GRK3: variants seen among roughly 807,000 people sequenced by gnomAD.
The protein encoded by GRK3 is adrenergic, beta, receptor kinase 2.
A neutral mutation model predicts 95.7 loss-of-function variants in GRK3; 54 were observed. The observed-to-expected ratio is 0.56, with a 90% CI of 0.45 to 0.71. The LOEUF is 0.71. Ranked by LOEUF, GRK3 falls within the 30% of genes least tolerant of loss-of-function variation. GRK3 has a pLI of 0.00. For missense variants in GRK3, 649 were observed against 851.2 expected, an observed-to-expected ratio of 0.76 and a Z score of 2.96; for synonymous variants, 281 against 290.8, an observed-to-expected ratio of 0.97 and a Z score of 0.34.
Position 25,725,389 on chromosome 22 carries a change from T to G in GRK3, c.*2939T>G. On this transcript the variant is annotated 3_prime_UTR_variant, in exon 21 of 21. Transcript: ENST00000324198. Reference sequence around the variant, plus strand: ...TAAAGCCTAAAAATAATAGATTACTTTAAGCTGCTATGTAAGATATATATG... The same window carrying G: ...TAAAGCCTAAAAATAATAGATTACTGTAAGCTGCTATGTAAGATATATATG... The G allele has an allele frequency of 2.5e-6, 1 of 395,806 alleles. No homozygotes were observed. The highest frequency in any genetic ancestry group is 3.6e-5 in the East Asian group (1 of 27,888). 24.5% of individuals were successfully genotyped at this position (395,806 alleles called of 1,614,324 possible). A position where few individuals can be genotyped will look rare whatever the true frequency, so the allele number is the denominator to read the frequency against.
At position 25,714,483 on chromosome 22, in the gene GRK3, G is replaced by A. The variant is rs1330344635; in HGVS notation, c.1567G>A (p.Glu523Lys). Residue 523 changes from glutamate to lysine, a missense_variant, in exon 18 of 21, where the codon GAA (glutamate) becomes AAA (lysine). Physicochemically the swap from Glu to Lys is moderately conservative, Grantham distance 56 (BLOSUM62 1). Transcript: ENST00000324198. The stretch of plus-strand genomic sequence containing the variant: ...TGAACGCTGGCAGCAAGAAGTAACG[G>A]AAACAGTTTATGAAGCAGTAAATGC... ...ISERWQQEVT[E>K]TVYEAVNADT... 2 of 1,613,878 alleles carry A rather than the reference G, an allele frequency of 1.2e-6. No individual in the cohort carries two copies. The highest frequency in any genetic ancestry group is 1.7e-6 in the Non-Finnish European group (2 of 1,179,970).
Position 25,699,510 on chromosome 22 carries a change from A to G in GRK3, c.1161-4000A>G, listed in dbSNP as rs903453974. Among the ~76,000 whole-genome samples, 13 of 151,966 alleles carry G rather than the reference A, an allele frequency of 8.6e-5. No individual in the cohort carries two copies. The South Asian group carries it at 1.5e-3, about 17-fold the overall frequency. ...GGCCAAGGATGCTGCTCAACATCCT[A>G]TGAGGCACAGGACAGCTCCCGCAAC... On this transcript the variant is annotated intron_variant, in intron 13 of 20. Coordinates refer to ENST00000324198, the MANE Select transcript of GRK3 (RefSeq NM_005160.4).
At chr22:25,691,492 A>G (rs2085164136) in intron 12 of GRK3, among the ~76,000 whole-genome samples, 1 of 152,252 alleles carries the variant, frequency 6.6e-6, no homozygotes, top group African/African-American at 2.4e-5. Context: ...TTCTGTAAAC[A>G]TATTTCTCTT....
rs371527367 is a variant in GRK3 at position 25,711,124 on chromosome 22, T to C, written c.1452T>C (p.Asp484=). The C allele has an allele frequency of 1.2e-6, 2 of 1,613,836 alleles. No individual in the cohort carries two copies. Among genetic ancestry groups the C allele is most frequent in the Non-Finnish European group, 1.7e-6 (2 of 1,179,836 alleles). Residue 484 remains aspartate (D), a synonymous_variant, in exon 17 of 21, where the codon GAT becomes GAC. Coordinates refer to ENST00000324198, the MANE Select transcript of GRK3 (RefSeq NM_005160.4). ...AAGTCAATGCTGCTGATGCCTTTGA[T>C]ATTGGCTCATTTGATGAAGAGGATA... is the stretch of plus-strand genomic sequence containing the variant. ...RGEVNAADAF[D]IGSFDEEDTK...
intron 19 of GRK3, among the ~76,000 whole-genome samples, chr22:25,720,120 G>A (rs547078936): frequency 1.3e-5 from 2 of 152,146 alleles, no homozygotes; most frequent in Non-Finnish European, 2.9e-5. Flanking sequence ...GCGGACCTGG[G>A]CAGATTATAC....
chr22:25,638,068 T>G (rs1265574878), intron 2 of GRK3, among the ~76,000 whole-genome samples: 1 of 152,186 alleles, frequency 6.6e-6, no homozygotes. Flanking sequence ...CATCCACCCC[T>G]TGTCATCCTG....
intron 12 of GRK3, among the ~76,000 whole-genome samples, chr22:25,692,842 A>C (rs1284397727): frequency 6.6e-6 from 1 of 152,178 alleles, no homozygotes; most frequent in Non-Finnish European, 1.5e-5. Flanking sequence ...GAACTCCCTG[A>C]GGCTTTGGCA....
chr22:25,621,575 C>T (rs1008520538), intron 2 of GRK3, among the ~76,000 whole-genome samples: 2 of 152,072 alleles, frequency 1.3e-5, no homozygotes, highest in African/African-American at 4.8e-5. Flanking sequence ...TCTCTCCAGT[C>T]CTCATTTTTG....
chr22:25,681,503 G>A (rs1704656007), intron 9 of GRK3, among the ~76,000 whole-genome samples: 1 of 152,092 alleles, frequency 6.6e-6, no homozygotes, highest in South Asian at 2.1e-4. Flanking sequence ...TGCGGTGGTG[G>A]GGGGAGTCGT....
In GRK3 at chr22:25,729,187, A is replaced by T. The variant is rs2085497273; in HGVS notation, c.*6737A>T. 1 of 152,244 alleles carries T rather than the reference A, an allele frequency of 6.6e-6. No individual in the cohort carries two copies. The highest frequency in any genetic ancestry group is 1.5e-5 in the Non-Finnish European group (1 of 68,060). The allele number at this position is 152,244 out of a possible 1,614,324, so 9.4% of individuals were successfully genotyped here. The stretch of plus-strand genomic sequence containing the variant: ...AGGTCACCTGCCCTGTGTGGGGCAC[A>T]CCACCGTCAGCACCACCGTTTTTAC... On this transcript the variant is annotated 3_prime_UTR_variant, in exon 21 of 21. Coordinates refer to ENST00000324198, the MANE Select transcript of GRK3 (RefSeq NM_005160.4).
At position 25,644,677 on chromosome 22, in the gene GRK3, CTG is replaced by C. The variant is rs766848146; in HGVS notation, c.264+14_264+15del. 4.3e-6 allele frequency: 6 copies of C among 1,379,992 alleles called. No individual in the cohort carries two copies. The Admixed American group carries it at 7.8e-5, about 18-fold the overall frequency. The allele number at this position is 1,379,992 out of a possible 1,614,324, so 85.5% of individuals were successfully genotyped here. A position where few individuals can be genotyped will look rare whatever the true frequency, so the allele number is the denominator to read the frequency against. On this transcript the variant is annotated intron_variant, in intron 3 of 20. Transcript: ENST00000324198. Reference sequence around the variant, plus strand: ...AGTTTTATGAAGAGGTAAGAAGTAACTGTTTTACTGATGCTTTTCTTTCAAAA... The same window carrying C: ...AGTTTTATGAAGAGGTAAGAAGTAACTTTTACTGATGCTTTTCTTTCAAAA...
intron 18 of GRK3, among the ~76,000 whole-genome samples, chr22:25,717,380 C>T (rs945801706): frequency 1.3e-5 from 2 of 152,122 alleles, no homozygotes; most frequent in African/African-American, 4.8e-5. Context: ...CCTCCCTGGC[C>T]CTCCCTCTCC....
chr22:25,693,328 T>C (rs975868253), intron 12 of GRK3, among the ~76,000 whole-genome samples: 4 of 152,154 alleles, frequency 2.6e-5, no homozygotes, highest in Non-Finnish European at 5.9e-5. Flanking sequence ...TCCTTGTATG[T>C]GGTAAAAGCA....
intron 2 of GRK3, among the ~76,000 whole-genome samples, chr22:25,606,502 A>G (rs915584080): frequency 2.0e-5 from 3 of 152,178 alleles, no homozygotes; most frequent in Non-Finnish European, 4.4e-5. Context: ...AATGTGTCTG[A>G]CACTCCAGGT....
In GRK3 at chr22:25,722,161, T is replaced by TG. The variant is rs1173246961; in HGVS notation, c.1906-123dup. ...GTGACCCATCAGCTAGTAATGCCAC[T>TG]GGGGGTGGACACGTAGGGTGTGCTT... On this transcript the variant is annotated intron_variant, in intron 20 of 20. Coordinates refer to ENST00000324198, the MANE Select transcript of GRK3 (RefSeq NM_005160.4). 9 of 998,408 alleles carry TG rather than the reference T, an allele frequency of 9.0e-6. 1 individual carries two copies. In the East Asian group the frequency reaches 9.7e-5, roughly 11 times the overall value. 61.8% of individuals were successfully genotyped at this position (998,408 alleles called of 1,614,324 possible).
intron 1 of GRK3, among the ~76,000 whole-genome samples, chr22:25,594,006 C>G (rs1331924336): frequency 2.0e-5 from 3 of 152,080 alleles, no homozygotes; most frequent in Non-Finnish European, 4.4e-5. Flanking sequence ...GTTACTGTAG[C>G]CTTATGGTAT....
At chr22:25,649,000 T>G in intron 3 of GRK3, 1 of 1,130,192 alleles carries the variant, frequency 8.8e-7, no homozygotes, top group Non-Finnish European at 1.4e-6. Flanking sequence ...ACAGAACTGG[T>G]AACAAAGGGC....
chr22:25,715,751 T>C (rs927731915), intron 18 of GRK3, among the ~76,000 whole-genome samples: 3 of 152,170 alleles, frequency 2.0e-5, no homozygotes, highest in African/African-American at 7.2e-5. Flanking sequence ...AGGTTAACCT[T>C]ATGTAACAAG....
intron 6 of GRK3, among the ~76,000 whole-genome samples, chr22:25,669,840 T>C (rs1601514578): frequency 6.6e-6 from 1 of 152,224 alleles, no homozygotes. Flanking sequence ...TTCCATCCCC[T>C]GTCACCAGCT....
Sources: gnomAD v4.1 joint callset for allele counts (sites outside exome capture counted in the v4.1 genomes callset) on GRCh38, gnomAD v4.1.1 for gene constraint, MANE v1.5 for transcripts, NCBI Gene and HGNC (gene_info 2026-07-23, HGNC 2026-07-21) for gene names.